Variants in KIFBP observed in about 807,000 individuals in gnomAD.
KIFBP encodes KIF-binding protein.
In KIFBP, 46 loss-of-function variants were observed where a neutral mutation model predicts 58.9. The ratio of observed to expected loss-of-function variants is 0.78; its 90% CI spans 0.62 to 1.00. The LOEUF (loss-of-function observed/expected upper bound fraction) is 1.00. Ranked by LOEUF, KIFBP falls within the 50% of genes least tolerant of loss-of-function variation. The pLI is 0.00. For missense variants in KIFBP, 651 were observed against 752.9 expected (o/e 0.86, Z 1.58); for synonymous variants, 241 against 283.4 (o/e 0.85, Z 1.50).
At chr10:69,010,757 T>G (rs1843581551) in intron 5 of KIFBP, 143 bp from the exon 6 acceptor site, 1 of 666,184 alleles carries the variant, frequency 1.5e-6, no homozygotes, top group Non-Finnish European at 2.7e-6. Flanking sequence ...GGGGGATCTT[T>G]CTTCCCTTTT....
At chr10:69,014,715 T>TGAGACGGAGTCTC (rs1838966620) in intron 6 of KIFBP, among the ~76,000 whole-genome samples, 1 of 133,288 alleles carries the variant, frequency 7.5e-6, no homozygotes, top group African/African-American at 2.9e-5. Context: ...TTTTTTTATT[T>TGAGACGGAGTCTC]GCCCCCCCCC....
At position 69,015,904 on chromosome 10, in the gene KIFBP, G is replaced by C; in HGVS notation, c.1354G>C (p.Ala452Pro). Residue 452 changes from alanine to proline, a missense_variant, in exon 7 of 7, where the codon GCC (alanine) becomes CCC (proline). Ala to Pro is a conservative substitution (Grantham distance 27). Transcript: ENST00000361983. The part of the protein sequence containing the change: ...RRCKMHKRRI[A>P]MLEPLTVDLN... ...GTGCAAGATGCATAAACGCAGAATAGCCATGCTAGAGCCCCTAACTGTAGA... is the reference window on the plus strand; with the variant it reads ...GTGCAAGATGCATAAACGCAGAATACCCATGCTAGAGCCCCTAACTGTAGA... 6.2e-7 allele frequency: 1 copy of C among 1,614,144 alleles called. No individual in the cohort carries two copies. Among genetic ancestry groups the C allele is most frequent in the Non-Finnish European group, 8.5e-7 (1 of 1,180,020 alleles).
Position 68,988,805 on chromosome 10 carries a change from T to C in KIFBP, c.-28T>C. The C allele has an allele frequency of 1.2e-6, 2 of 1,614,148 alleles. No homozygotes were observed. The highest frequency in any genetic ancestry group is 1.7e-5 in the Admixed American group (1 of 60,024). On this transcript the variant is annotated 5_prime_UTR_variant, in exon 1 of 7. Transcript: ENST00000361983. ...AGGCGGGAGTCCCGACTGCAAACAT[T>C]GAGGAAAGCCAGGCAGTAGAGGCCG...
At chr10:69,009,849 A>G (rs1843573061) in intron 5 of KIFBP, among the ~76,000 whole-genome samples, 1 of 152,112 alleles carries the variant, frequency 6.6e-6, no homozygotes, top group Non-Finnish European at 1.5e-5. Flanking sequence ...ACAGTTTCCA[A>G]CCTTCTTACG....
intron 2 of KIFBP, 97 bp from the exon 3 acceptor site, chr10:69,004,949 T>C: frequency 1.3e-6 from 1 of 772,262 alleles, no homozygotes; most frequent in Non-Finnish European, 2.3e-6. Context: ...GAAATGTATT[T>C]GGCTTGTAGA....
chr10:69,010,134 C>A (rs1843575828), intron 5 of KIFBP, among the ~76,000 whole-genome samples: 1 of 152,046 alleles, frequency 6.6e-6, no homozygotes, highest in South Asian at 2.1e-4. Context: ...TGTTTTTACT[C>A]TTCATAATAG....
At chr10:69,001,198 G>T (rs778205122) in intron 2 of KIFBP, among the ~76,000 whole-genome samples, 6 of 151,878 alleles carry the variant, frequency 4.0e-5, no homozygotes, top group African/African-American at 9.7e-5. Context: ...TGGTTAAGCA[G>T]GTTAGAAGGA....
At chr10:68,996,721 C>T (rs925856281) in intron 1 of KIFBP, among the ~76,000 whole-genome samples, 2 of 150,070 alleles carry the variant, frequency 1.3e-5, no homozygotes, top group African/African-American at 2.5e-5. Context: ...GGCATGGTGG[C>T]GCATGTCTGT....
chr10:69,008,391 A>AAATAT, intron 4 of KIFBP, among the ~76,000 whole-genome samples: 726 of 71,536 alleles, frequency 0.01, 33 homozygotes, highest in African/African-American at 0.046. Flanking sequence ...AAAAAAAAAA[A>AAATAT]ATATATATAT....
intron 6 of KIFBP, 189 bp from the exon 7 acceptor site, chr10:69,015,352 C>A: frequency 1.8e-6 from 1 of 558,082 alleles, no homozygotes; most frequent in Admixed American, 3.3e-5. Flanking sequence ...TTCCACATTT[C>A]TTGAGTTTTT....
intron 1 of KIFBP, among the ~76,000 whole-genome samples, chr10:68,997,577 CT>C (rs1453131631): frequency 1.4e-5 from 2 of 146,302 alleles, no homozygotes; most frequent in Non-Finnish European, 1.5e-5. Context: ...CCAATTAAAC[CT>C]CTTTTCTTTA....
chr10:69,000,918 A>C (rs1423581452), intron 2 of KIFBP, among the ~76,000 whole-genome samples: 1 of 152,166 alleles, frequency 6.6e-6, no homozygotes, highest in Non-Finnish European at 1.5e-5. Flanking sequence ...ATGGTTCTCA[A>C]ATGTTAGCAC....
At chr10:69,000,642 G>A in intron 2 of KIFBP, 120 bp downstream of exon 2, 1 of 742,196 alleles carries the variant, frequency 1.3e-6, no homozygotes, top group South Asian at 1.5e-5. Flanking sequence ...CTTCTCTATA[G>A]AGCCATCTGG....
Position 69,016,143 on chromosome 10 carries a change from C to T in KIFBP, c.1593C>T (p.Phe531=). The T allele has an allele frequency of 6.2e-7, 1 of 1,614,166 alleles. No homozygotes were observed. Among genetic ancestry groups the T allele is most frequent in the East Asian group, 2.2e-5 (1 of 44,888 alleles). Residue 531 remains phenylalanine, a synonymous_variant, in exon 7 of 7, where the codon TTC becomes TTT. Coordinates refer to ENST00000361983, the MANE Select transcript of KIFBP (RefSeq NM_015634.4). The part of the protein sequence containing the change: ...LDSLRDPNKV[F]PEHIGEDVLR... ...CCCTGAGAGACCCAAATAAAGTATT[C>T]CCTGAGCATATAGGGGAAGATGTTC...
intron 1 of KIFBP, among the ~76,000 whole-genome samples, chr10:68,994,418 A>G (rs57716823): frequency 6.6e-6 from 1 of 152,222 alleles, no homozygotes; most frequent in African/African-American, 2.4e-5. Flanking sequence ...TCCTTGGGGA[A>G]CTACAGAACT....
chr10:69,002,663 AT>A (rs1378677781), intron 2 of KIFBP, among the ~76,000 whole-genome samples: 2 of 151,938 alleles, frequency 1.3e-5, no homozygotes, highest in Non-Finnish European at 2.9e-5. Flanking sequence ...AGGTGGGTGG[AT>A]TGCCTGACTT....
At chr10:69,000,228 A>T (rs1008078076) in intron 1 of KIFBP, among the ~76,000 whole-genome samples, 196 bp from the exon 2 acceptor site, 3 of 152,186 alleles carry the variant, frequency 2.0e-5, no homozygotes, top group African/African-American at 7.2e-5. Flanking sequence ...AATACCCCGA[A>T]GCAGGGATCA....
rs1843357999 is a variant in KIFBP, at chr10:68,992,250, T to C, written c.426+2992T>C. Among the ~76,000 whole-genome samples the C allele has an allele frequency of 1.3e-5, 2 of 152,152 alleles. 1 individual carries two copies. The highest frequency in any genetic ancestry group is 4.1e-4 in the South Asian group (2 of 4,832). ...TCAGGCAATTCTACCCACCCCAGCCTCCCAAAGTGTTGGGATTACCAGTAT... is the reference window on the plus strand; with the variant it reads ...TCAGGCAATTCTACCCACCCCAGCCCCCCAAAGTGTTGGGATTACCAGTAT... On this transcript the variant is annotated intron_variant, in intron 1 of 6. Transcript: ENST00000361983.
intron 6 of KIFBP, among the ~76,000 whole-genome samples, chr10:69,012,404 A>G (rs1843605394): frequency 6.6e-6 from 1 of 152,214 alleles, no homozygotes; most frequent in African/African-American, 2.4e-5. Flanking sequence ...TAGGGAGGAT[A>G]ATAAAATTAA....
Sources: gnomAD v4.1 joint callset for allele counts (sites outside exome capture counted in the v4.1 genomes callset) on GRCh38, gnomAD v4.1.1 for gene constraint, MANE v1.5 for transcripts, NCBI Gene and HGNC (gene_info 2026-07-23, HGNC 2026-07-21) for gene names.